The following SNRNP70 variants were observed in gnomAD, a reference collection of about 807,000 sequenced individuals.
The protein encoded by SNRNP70 is U1 small nuclear ribonucleoprotein 70 kDa.
SNRNP70 carries 8 observed loss-of-function variants against 50.5 expected under a neutral mutation model. The ratio of observed to expected loss-of-function variants is 0.16; its 90% CI spans 0.09 to 0.29. SNRNP70 has a LOEUF of 0.29. SNRNP70 is among the 10% of genes least tolerant of loss of function. SNRNP70 has a pLI of 1.00. For missense variants in SNRNP70, 529 were observed against 663.5 expected, an observed-to-expected ratio of 0.80 and a Z score of 2.23; for synonymous variants, 320 against 252.9, an observed-to-expected ratio of 1.27 and a Z score of -2.52.
chr19:49,090,644 A>T, intron 4 of SNRNP70, 124 bp downstream of exon 4: 3 of 899,244 alleles, frequency 3.3e-6, no homozygotes, highest in Non-Finnish European at 3.6e-6. Context: ...TTGTTAGTTC[A>T]TTTGTTTAGC....
rs964923621 is a variant in SNRNP70, at chr19:49,108,143, C to T, written c.1014C>T (p.Asp338=). 80 of 1,541,500 alleles carry T rather than the reference C, an allele frequency of 5.2e-5. No individual in the cohort carries two copies. The East Asian group carries it at 7.2e-4, about 14-fold the overall frequency. Reference sequence around the variant, plus strand: ...GGCCTCCAGGGGAGCTCGGGCCTGACGGCCCTGACGGTCCAGAGGAAAAGG... The same window carrying T: ...GGCCTCCAGGGGAGCTCGGGCCTGATGGCCCTGACGGTCCAGAGGAAAAGG... The part of the protein sequence containing the change: ...DDGPPGELGP[D]GPDGPEEKGR... The change falls in exon 10 of 10, where the codon GAC becomes GAT. Residue 338 remains aspartate, a synonymous_variant. Coordinates refer to ENST00000598441, the MANE Select transcript of SNRNP70 (RefSeq NM_003089.6).
chr19:49,108,372 A>T lies in SNRNP70; in HGVS notation c.1243A>T (p.Met415Leu), dbSNP rs547377332. 1.9e-6 allele frequency: 3 copies of T among 1,611,394 alleles called. No homozygotes were observed. Among genetic ancestry groups the T allele is most frequent in the Admixed American group, 1.7e-5 (1 of 59,758 alleles). The change falls in exon 10 of 10, where the codon ATG becomes TTG. Residue 415 changes from methionine to leucine, a missense_variant. Physicochemically the swap from Met to Leu is conservative, Grantham distance 15. Around this residue, in one of 4 missense-constraint regions of SNRNP70, gnomAD observed 327 missense variants for 308.8 expected, o/e 1.06. Coordinates refer to ENST00000598441, the MANE Select transcript of SNRNP70 (RefSeq NM_003089.6). ...GLGNDSRDMY[M>L]ESEGGDGYLA... ...GGGCAACGACAGCCGAGACATGTAC[A>T]TGGAGTCTGAGGGCGGCGACGGCTA...
In SNRNP70 at chr19:49,108,465, C is replaced by T. The variant is rs2040715418; in HGVS notation, c.*22C>T. 1 of 1,574,460 alleles carries T rather than the reference C, an allele frequency of 6.4e-7. No individual in the cohort carries two copies. The highest frequency in any genetic ancestry group is 8.6e-7 in the Non-Finnish European group (1 of 1,161,316). ...GTGAAGAGGTCGTCCTCTCCATCTG[C>T]TGTGTTTGGACGCGTTCCTGCCCAG... On this transcript the variant is annotated 3_prime_UTR_variant, in exon 10 of 10. Transcript: ENST00000598441.
At chr19:49,100,952 C>T (rs1031676322) in intron 6 of SNRNP70, among the ~76,000 whole-genome samples, 13 of 152,214 alleles carry the variant, frequency 8.5e-5, no homozygotes, top group African/African-American at 3.1e-4. Context: ...AGCTCCTCAG[C>T]GACCACACTT....
intron 7 of SNRNP70, 25 bp downstream of exon 7, chr19:49,101,496 C>T (rs780359123): frequency 6.5e-7 from 1 of 1,544,994 alleles, no homozygotes; most frequent in Non-Finnish European, 9.0e-7. Flanking sequence ...CCGAGCCCTG[C>T]CCTCTGACCT....
At chr19:49,087,365 C>T (rs188215266) in intron 2 of SNRNP70, among the ~76,000 whole-genome samples, 1 of 152,066 alleles carries the variant, frequency 6.6e-6, no homozygotes, top group African/African-American at 2.4e-5. Flanking sequence ...AGTGGTAGCA[C>T]CCTTATAATG....
rs1052810899 is a variant in SNRNP70 at position 49,086,283 on chromosome 19, C to T, written c.-10-122C>T. On this transcript the variant is annotated intron_variant, in intron 1 of 9. Coordinates refer to ENST00000598441, the MANE Select transcript of SNRNP70 (RefSeq NM_003089.6). ...AACACAGGACTGTTCTCTGCCCTTA[C>T]AGAGCCTGTTTTAATTCCGAGACTT... The T allele has an allele frequency of 3.5e-5, 40 of 1,149,170 alleles. 1 individual carries two copies. In the African/African-American group the frequency reaches 5.9e-4, roughly 17 times the overall value. 71.2% of individuals were successfully genotyped at this position (1,149,170 alleles called of 1,614,324 possible).
chr19:49,100,211 C>T (rs1410733202), intron 6 of SNRNP70, among the ~76,000 whole-genome samples: 2 of 152,218 alleles, frequency 1.3e-5, no homozygotes, highest in African/African-American at 2.4e-5. Flanking sequence ...TCTGTCTCAA[C>T]AGCCCTGCCT....
intron 1 of SNRNP70, among the ~76,000 whole-genome samples, 153 bp from the exon 2 acceptor site, chr19:49,086,252 C>G (rs558389640): frequency 5.9e-5 from 9 of 152,176 alleles, no homozygotes; most frequent in Non-Finnish European, 1.3e-4. Context: ...GTACCCTTTT[C>G]TCCGCAACAC....
chr19:49,098,399 C>T (rs759365233), intron 4 of SNRNP70, 28 bp from the exon 5 acceptor site: 3 of 1,589,684 alleles, frequency 1.9e-6, no homozygotes, highest in Non-Finnish European at 2.6e-6. Flanking sequence ...ACACCTTCAA[C>T]TTATAAAATT....
At chr19:49,093,584 C>T (rs2040475112) in intron 4 of SNRNP70, among the ~76,000 whole-genome samples, 1 of 141,964 alleles carries the variant, frequency 7.0e-6, no homozygotes, top group Non-Finnish European at 1.5e-5. Flanking sequence ...GAGGCTGAGG[C>T]AAGAGAATCC....
chr19:49,088,474 C>T lies in SNRNP70; in HGVS notation c.148-1817C>T, dbSNP rs149322392. On this transcript the variant is annotated intron_variant, in intron 2 of 9. Transcript: ENST00000598441. ...TTGGCCTTCCAAAGTGCTGGGATTA[C>T]AGACGTGAGCCACCGCACCCGACCT... Among the ~76,000 whole-genome samples the T allele has an allele frequency of 1.9e-4, 28 of 145,288 alleles. 1 individual carries two copies. In the East Asian group the frequency reaches 5.6e-3, roughly 29 times the overall value.
intron 2 of SNRNP70, among the ~76,000 whole-genome samples, chr19:49,086,924 G>A (rs897118468): frequency 6.6e-6 from 1 of 151,564 alleles, no homozygotes; most frequent in African/African-American, 2.4e-5. Context: ...GGTGGCTCAC[G>A]CCTGTAATCC....
At chr19:49,102,081 C>T (rs751197796) in intron 7 of SNRNP70, 23 of 1,165,452 alleles carry the variant, frequency 2.0e-5, no homozygotes, top group East Asian at 5.7e-5. Context: ...CAGGGGCCGC[C>T]GTATTAATTG....
chr19:49,102,016 G>A, intron 7 of SNRNP70: 3 of 527,300 alleles, frequency 5.7e-6, no homozygotes, highest in South Asian at 4.6e-5. Context: ...AGGCTGCCGC[G>A]GCGTCCACAT....
At chr19:49,100,837 C>A (rs972846555) in intron 6 of SNRNP70, among the ~76,000 whole-genome samples, 4 of 151,892 alleles carry the variant, frequency 2.6e-5, no homozygotes, top group African/African-American at 9.7e-5. Flanking sequence ...GAATTCCCGT[C>A]CCATTGGCAT....
chr19:49,097,057 GA>G (rs2040522249), intron 4 of SNRNP70, among the ~76,000 whole-genome samples: 1 of 152,014 alleles, frequency 6.6e-6, no homozygotes, highest in African/African-American at 2.4e-5. Flanking sequence ...TTGAACCTCG[GA>G]GGCAGAGGTT....
rs2040682311 is a variant in SNRNP70 at position 49,107,206 on chromosome 19, A to G, written c.578-419A>G. Among the ~76,000 whole-genome samples, 1 of 152,124 alleles carries G rather than the reference A, an allele frequency of 6.6e-6. No homozygotes were observed. The highest frequency in any genetic ancestry group is 2.1e-4 in the South Asian group (1 of 4,826). On this transcript the variant is annotated intron_variant, in intron 8 of 9. Transcript: ENST00000598441. This position sits in a 1 kb window ranked among gnomAD's most constrained non-coding sequence, Gnocchi z 6.0. ...AGGGCCCGCTCTTGCTGCCTCTACC[A>G]CCAGTTGACGAGGAGTTTGGACCTT...
At chr19:49,085,810 C>A (rs1184232314) in intron 1 of SNRNP70, among the ~76,000 whole-genome samples, 174 bp downstream of exon 1, 2 of 152,240 alleles carry the variant, frequency 1.3e-5, no homozygotes, top group African/African-American at 2.4e-5. Context: ...CGCCCGCTTC[C>A]CACAGCGCCC....
Sources: gnomAD v4.1 joint callset for allele counts (sites outside exome capture counted in the v4.1 genomes callset) on GRCh38, gnomAD v4.1.1 for gene constraint, gnomAD v4.1.1 regional missense constraint, Gnocchi (gnomAD v3.1) non-coding constraint, MANE v1.5 for transcripts, NCBI Gene and HGNC (gene_info 2026-07-23, HGNC 2026-07-21) for gene names.